The following CORO7 variants were observed in gnomAD, a reference collection of about 807,000 sequenced individuals.
CORO7 encodes coronin-7.
CORO7 carries 107 observed loss-of-function variants against 126.6 expected under a neutral mutation model. The ratio of observed to expected loss-of-function variants is 0.85; its 90% CI spans 0.72 to 0.99. The LOEUF (loss-of-function observed/expected upper bound fraction) is 0.99, where lower values mean the gene tolerates loss of function less well. Among genes scored for constraint, CORO7 ranks in the 50% least tolerant of loss-of-function variants. The pLI, the probability that CORO7 is intolerant of heterozygous loss-of-function variation, is 0.00. For missense variants in CORO7, 1,314 were observed against 1,255.8 expected, an observed-to-expected ratio of 1.05 and a Z score of -0.70; for synonymous variants, 603 against 536.8, an observed-to-expected ratio of 1.12 and a Z score of -1.70.
intron 16 of CORO7, 92 bp downstream of exon 16, chr16:4,361,893 T>G (rs1267098075): frequency 6.6e-7 from 1 of 1,524,482 alleles, no homozygotes; most frequent in Admixed American, 2.0e-5. Context: ...ACAAGGTTTG[T>G]GCTCCCTGTG....
rs2054281546 is a variant in CORO7, at chr16:4,364,422, A to G, written c.1138-9T>C. The G allele has an allele frequency of 1.3e-6, 2 of 1,496,374 alleles. No homozygotes were observed. Among genetic ancestry groups the G allele is most frequent in the Admixed American group, 4.7e-5 (2 of 42,802 alleles). 92.7% of individuals were successfully genotyped at this position (1,496,374 alleles called of 1,614,324 possible). ...AGGCTGACCTTCTGCACCTGCATGG[A>G]GGCCGGCAGTGGGGAGATGGGGGCA... is the stretch of plus-strand genomic sequence containing the variant. On this transcript the variant is annotated splice_polypyrimidine_tract_variant and intron_variant, in intron 13 of 27. Coordinates refer to ENST00000251166, the MANE Select transcript of CORO7 (RefSeq NM_024535.5).
rs534594669 is a variant in CORO7, at chr16:4,373,339, C to T, written c.786-7794G>A. ...CGCACACACATGCCAGCCTGGGGGCCGGGCACTGCCTGTCCCCACCCCGCC... is the reference window on the plus strand; with the variant it reads ...CGCACACACATGCCAGCCTGGGGGCTGGGCACTGCCTGTCCCCACCCCGCC... On this transcript the variant is annotated intron_variant, in intron 9 of 27. Coordinates refer to ENST00000251166, the MANE Select transcript of CORO7 (RefSeq NM_024535.5). Among the ~76,000 whole-genome samples the T allele has an allele frequency of 6.6e-5, 10 of 152,222 alleles. No individual in the cohort carries two copies. The South Asian group carries it at 1.9e-3, about 28-fold the overall frequency.
rs368804987 is a variant in CORO7, at chr16:4,378,010, A to T, written c.785+9976T>A. 5.0e-4 allele frequency among the ~76,000 whole-genome samples: 76 copies of T among 152,164 alleles called. 3 individuals are homozygous for T. The South Asian group carries it at 0.015, about 31-fold the overall frequency. On this transcript the variant is annotated intron_variant, in intron 9 of 27. Transcript: ENST00000251166. ...CCCACAGCATCCCCTCTCCCTTCAC[A>T]ACCTTGCTGATTAAAGACCCAACAG...
intron 9 of CORO7, among the ~76,000 whole-genome samples, chr16:4,374,782 T>G (rs1217669829): frequency 6.6e-6 from 1 of 152,018 alleles, no homozygotes; most frequent in Non-Finnish European, 1.5e-5. Context: ...ATGGGGAGCT[T>G]GAGAAGGGCA....
At chr16:4,399,326 G>A (rs1042730787) in intron 6 of CORO7, among the ~76,000 whole-genome samples, 5 of 152,148 alleles carry the variant, frequency 3.3e-5, no homozygotes, top group Non-Finnish European at 5.9e-5. Flanking sequence ...TGCACGCCAC[G>A]AGTAACCCTT....
At chr16:4,379,546 G>A (rs578114802) in intron 9 of CORO7, among the ~76,000 whole-genome samples, 5 of 152,266 alleles carry the variant, frequency 3.3e-5, no homozygotes, top group South Asian at 4.1e-4. Context: ...CAATGGCAGC[G>A]AGTCCCTGCA....
At chr16:4,390,873 G>GC (rs1351870493) in intron 7 of CORO7, among the ~76,000 whole-genome samples, 2 of 152,206 alleles carry the variant, frequency 1.3e-5, no homozygotes, top group Non-Finnish European at 2.9e-5. Flanking sequence ...GGGAGGAGGA[G>GC]CCGCCCAGGA....
At chr16:4,374,582 G>A (rs2054652567) in intron 9 of CORO7, among the ~76,000 whole-genome samples, 1 of 152,156 alleles carries the variant, frequency 6.6e-6, no homozygotes, top group South Asian at 2.1e-4. Flanking sequence ...TGGGGCCCCT[G>A]CTGGCCCTGG....
intron 9 of CORO7, among the ~76,000 whole-genome samples, chr16:4,374,912 G>T (rs112415855): frequency 1.3e-5 from 2 of 152,096 alleles, no homozygotes; most frequent in Non-Finnish European, 2.9e-5. Context: ...GCAGGTTAGG[G>T]CCTTACTAGA....
chr16:4,388,762 G>A (rs2055284529), intron 7 of CORO7, 131 bp from the exon 8 acceptor site: 3 of 1,001,878 alleles, frequency 3.0e-6, no homozygotes, highest in Non-Finnish European at 4.4e-6. Context: ...GGGAAGGGCT[G>A]GGTCCTTCTC....
At chr16:4,355,236 G>C in intron 27 of CORO7, 50 bp downstream of exon 27, 1 of 1,607,696 alleles carries the variant, frequency 6.2e-7, no homozygotes, top group Non-Finnish European at 8.5e-7. Context: ...ACCGTGGCAT[G>C]TGCGAGGGAC....
At chr16:4,382,996 T>A in intron 9 of CORO7, 1 of 1,310,274 alleles carries the variant, frequency 7.6e-7, no homozygotes, top group South Asian at 1.6e-5. Context: ...AGTCCCAACC[T>A]CGGGGATGTG....
chr16:4,361,884 C>G lies in CORO7; in HGVS notation c.1578+101G>C, dbSNP rs548666942. 8.5e-6 allele frequency: 13 copies of G among 1,521,112 alleles called. No individual in the cohort carries two copies. The East Asian group carries it at 2.5e-4, about 29-fold the overall frequency. The allele number at this position is 1,521,112 out of a possible 1,614,324, so 94.2% of individuals were successfully genotyped here. ...AGGACAGGCGGGCAGGAGCCTGACACAAGGTTTGTGCTCCCTGTGTTGTGT... is the reference window on the plus strand; with the variant it reads ...AGGACAGGCGGGCAGGAGCCTGACAGAAGGTTTGTGCTCCCTGTGTTGTGT... On this transcript the variant is annotated intron_variant, in intron 16 of 27. Transcript: ENST00000251166.
chr16:4,390,075 C>T (rs992898327), intron 7 of CORO7, among the ~76,000 whole-genome samples: 2 of 152,158 alleles, frequency 1.3e-5, no homozygotes, highest in South Asian at 2.1e-4. Flanking sequence ...TCCCTGTGCC[C>T]GTGGAATAAA....
intron 6 of CORO7, among the ~76,000 whole-genome samples, chr16:4,404,203 A>T (rs1258964198): frequency 2.6e-5 from 4 of 152,186 alleles, no homozygotes; most frequent in Admixed American, 1.3e-4. Flanking sequence ...CTGCCCTGCT[A>T]GCTCCTGTTC....
intron 6 of CORO7, among the ~76,000 whole-genome samples, chr16:4,398,699 G>A (rs2055691455): frequency 6.6e-6 from 1 of 151,952 alleles, no homozygotes; most frequent in African/African-American, 2.4e-5. Context: ...GCTGGGCGTG[G>A]TGGCTCACAC....
chr16:4,395,454 C>G (rs753839043), intron 6 of CORO7, 115 bp from the exon 7 acceptor site: 122 of 1,377,546 alleles, frequency 8.9e-5, no homozygotes, highest in Middle Eastern at 2.1e-4. Context: ...CCCCAGCACG[C>G]AGGGCTGCCA....
At chr16:4,406,850 A>C (rs2056016999) in intron 5 of CORO7, among the ~76,000 whole-genome samples, 1 of 151,558 alleles carries the variant, frequency 6.6e-6, no homozygotes, top group African/African-American at 2.4e-5. Flanking sequence ...TATGTTGGCC[A>C]GGCTAGTCTC....
intron 5 of CORO7, 81 bp from the exon 6 acceptor site, chr16:4,405,648 A>AGTTC: frequency 6.6e-7 from 1 of 1,515,548 alleles, no homozygotes; most frequent in Non-Finnish European, 8.9e-7. Flanking sequence ...GCTGGGGGGA[A>AGTTC]CTCCCAGAGC....
Sources: gnomAD v4.1 joint callset for allele counts (sites outside exome capture counted in the v4.1 genomes callset) on GRCh38, gnomAD v4.1.1 for gene constraint, MANE v1.5 for transcripts, NCBI Gene and HGNC (gene_info 2026-07-23, HGNC 2026-07-21) for gene names.